Variants in NBEAL2 observed in about 807,000 individuals in gnomAD.
NBEAL2 encodes the protein neurobeachin like 2, also known as neurobeachin-like protein 2.
NBEAL2 carries 160 observed loss-of-function variants against 299.8 expected under a neutral mutation model. That is an observed-to-expected ratio of 0.53 (90% CI 0.47 to 0.61). The LOEUF is 0.61. Ranked by LOEUF, NBEAL2 falls within the 20% of genes least tolerant of loss-of-function variation. The probability of loss-of-function intolerance (pLI) is 0.00; values close to 1 mark genes in which losing one functional copy is unlikely to be tolerated. For synonymous variants in NBEAL2, 1,493 were observed against 1,542.3 expected, an observed-to-expected ratio of 0.97 and a Z score of 0.75; for missense variants, 3,112 against 3,649.0, an observed-to-expected ratio of 0.85 and a Z score of 3.79.
At chr3:47,007,193 C>T in intron 46 of NBEAL2, 38 bp downstream of exon 46, 2 of 1,610,370 alleles carry the variant, frequency 1.2e-6, no homozygotes, top group Non-Finnish European at 1.7e-6. Context: ...CAGCTCCACT[C>T]CCCCTTGCCT....
At position 46,995,470 on chromosome 3, in the gene NBEAL2, C is replaced by A. The variant is rs369938444; in HGVS notation, c.1735C>A (p.Arg579Ser). ...ARHQGPARAL[R>S]YFDLTPSMAG... ...GCACCAGGGTCCTGCACGTGCTCTGCGCTACTTTGACCTCACGCCCAGCAT... is the reference window on the plus strand; with the variant it reads ...GCACCAGGGTCCTGCACGTGCTCTGAGCTACTTTGACCTCACGCCCAGCAT... The change falls in exon 13 of 54, where the codon CGC becomes AGC. Residue 579 changes from arginine to serine, a missense_variant. Arg to Ser is a moderately radical substitution (Grantham distance 110). Around this residue, in one of 3 missense-constraint regions of NBEAL2, gnomAD observed 2,243 missense variants for 2,538.1 expected, o/e 0.88. Coordinates refer to ENST00000450053, the MANE Select transcript of NBEAL2 (RefSeq NM_015175.3). 9 of 1,612,892 alleles carry A rather than the reference C, an allele frequency of 5.6e-6. No homozygotes were observed. The highest frequency in any genetic ancestry group is 1.3e-5 in the African/African-American group (1 of 75,072).
chr3:47,003,890 T>A lies in NBEAL2; in HGVS notation c.5795T>A (p.Val1932Glu), dbSNP rs1221990598. ...GCCGAGTGCCAGCTGGTGACGGTAG[T>A]GGCCGTGGTCCCAGGGCTGCTGGAG... is the stretch of plus-strand genomic sequence containing the variant. Reference protein sequence around the residue: ...LSAECQLVTVVAVVPGLLEVT... With the variant: ...LSAECQLVTVEAVVPGLLEVT... The change falls in exon 36 of 54, where the codon GTG becomes GAG. Residue 1932 changes from valine to glutamate, a missense_variant. Around this residue, in one of 3 missense-constraint regions of NBEAL2, gnomAD observed 521 missense variants for 729.6 expected, o/e 0.71. Coordinates refer to ENST00000450053, the MANE Select transcript of NBEAL2 (RefSeq NM_015175.3). This position sits in a 1 kb window ranked among gnomAD's most constrained non-coding sequence, Gnocchi z 7.0. 1 of 1,613,508 alleles carries A rather than the reference T, an allele frequency of 6.2e-7. No individual in the cohort carries two copies. The highest frequency in any genetic ancestry group is 8.5e-7 in the Non-Finnish European group (1 of 1,179,716).
Position 46,992,395 on chromosome 3 carries a change from C to T in NBEAL2, c.1033-80C>T, listed in dbSNP as rs1342538203. The T allele has an allele frequency of 5.2e-6, 7 of 1,344,298 alleles. No individual in the cohort carries two copies. In the East Asian group the frequency reaches 1.2e-4, roughly 24 times the overall value. 83.3% of individuals were successfully genotyped at this position (1,344,298 alleles called of 1,614,324 possible). ...AGGGCACCTGGCAGCTGCCCCTGGT[C>T]CTGCTCTAACCCCACCCTCTCCCAT... On this transcript the variant is annotated intron_variant, in intron 9 of 53. Transcript: ENST00000450053.
rs766856041 is a variant in NBEAL2 at position 46,996,222 on chromosome 3, C to T, written c.2152-49C>T. ...TGTGAGGAACTGGTTGTAGGCGGAGCCCCAGGTTCTGCTGTGACCTGACCG... is the reference window on the plus strand; with the variant it reads ...TGTGAGGAACTGGTTGTAGGCGGAGTCCCAGGTTCTGCTGTGACCTGACCG... On this transcript the variant is annotated intron_variant, in intron 15 of 53. Coordinates refer to ENST00000450053, the MANE Select transcript of NBEAL2 (RefSeq NM_015175.3). 12 of 1,595,260 alleles carry T rather than the reference C, an allele frequency of 7.5e-6. No individual in the cohort carries two copies. In the East Asian group the frequency reaches 2.0e-4, roughly 27 times the overall value.
chr3:47,004,299 T>G lies in NBEAL2; in HGVS notation c.6104T>G (p.Val2035Gly), dbSNP rs2037256784. Reference protein sequence around the residue: ...IPPHTQVRNQVYSWLLRLRPP... With the variant: ...IPPHTQVRNQGYSWLLRLRPP... ...CCCCATACCCAGGTACGGAACCAGGTGTACTCGTGGCTCCTGCGCCTACGG... is the reference window on the plus strand; with the variant it reads ...CCCCATACCCAGGTACGGAACCAGGGGTACTCGTGGCTCCTGCGCCTACGG... The change falls in exon 37 of 54, where the codon GTG becomes GGG. Residue 2035 changes from valine (V) to glycine (G), a missense_variant. Around this residue, in one of 3 missense-constraint regions of NBEAL2, gnomAD observed 521 missense variants for 729.6 expected, o/e 0.71. Coordinates refer to ENST00000450053, the MANE Select transcript of NBEAL2 (RefSeq NM_015175.3). This position sits in a 1 kb window ranked among gnomAD's most constrained non-coding sequence, Gnocchi z 5.0. 6.2e-7 allele frequency: 1 copy of G among 1,612,728 alleles called. No individual in the cohort carries two copies. Among genetic ancestry groups the G allele is most frequent in the Non-Finnish European group, 8.5e-7 (1 of 1,179,476 alleles).
Position 46,988,397 on chromosome 3 carries a change from G to A in NBEAL2, c.52-272G>A, listed in dbSNP as rs2035828916. 6.6e-6 allele frequency among the ~76,000 whole-genome samples: 1 copy of A among 152,114 alleles called. No homozygotes were observed. The highest frequency in any genetic ancestry group is 2.4e-5 in the African/African-American group (1 of 41,410). Reference sequence around the variant, plus strand: ...AGGACTGCAGGCATTAGGGAGGTGGGAGCAGAAACTGGGAGGCTGAGAGAA... The same window carrying A: ...AGGACTGCAGGCATTAGGGAGGTGGAAGCAGAAACTGGGAGGCTGAGAGAA... On this transcript the variant is annotated intron_variant, in intron 1 of 53. Coordinates refer to ENST00000450053, the MANE Select transcript of NBEAL2 (RefSeq NM_015175.3). The surrounding 1 kb of genome is among the most constrained non-coding windows in gnomAD (Gnocchi z 4.4).
At chr3:46,999,511 T>A (rs1480922462) in intron 25 of NBEAL2, 37 bp downstream of exon 25, 1 of 1,582,582 alleles carries the variant, frequency 6.3e-7, no homozygotes, top group Non-Finnish European at 8.6e-7. Context: ...GGGGGTGACA[T>A]GTCAGAAAAA....
chr3:47,001,756 C>G lies in NBEAL2; in HGVS notation c.4712C>G (p.Ala1571Gly). ...GAWPHLANGT[A>G]DLREMAQIGL... Reference sequence around the variant, plus strand: ...TGGCCCCACCTGGCCAACGGCACAGCTGATCTCCGTGAGATGGCGCAGATT... The same window carrying G: ...TGGCCCCACCTGGCCAACGGCACAGGTGATCTCCGTGAGATGGCGCAGATT... Residue 1571 changes from alanine (A) to glycine (G), a missense_variant, in exon 30 of 54, where the codon GCT becomes GGT. Ala to Gly is a moderately conservative substitution (Grantham distance 60). This residue lies in a region of NBEAL2 where 2,243 missense variants were observed against 2,538.1 expected (regional missense o/e 0.88). Coordinates refer to ENST00000450053, the MANE Select transcript of NBEAL2 (RefSeq NM_015175.3). This position sits in a 1 kb window ranked among gnomAD's most constrained non-coding sequence, Gnocchi z 6.1. 1 of 1,613,952 alleles carries G rather than the reference C, an allele frequency of 6.2e-7. No individual in the cohort carries two copies.
intron 11 of NBEAL2, among the ~76,000 whole-genome samples, 168 bp from the exon 12 acceptor site, chr3:46,994,287 C>T (rs956189768): frequency 1.3e-5 from 2 of 152,176 alleles, no homozygotes; most frequent in African/African-American, 4.8e-5. Flanking sequence ...GATGTACTCA[C>T]GTCCCCCCCA....
chr3:46,981,459 T>C (rs1168098650), intron 1 of NBEAL2, among the ~76,000 whole-genome samples: 3 of 151,826 alleles, frequency 2.0e-5, no homozygotes, highest in Non-Finnish European at 2.9e-5. Context: ...AAAATAAAAA[T>C]AAAAAACTGA....
At position 46,988,591 on chromosome 3, in the gene NBEAL2, TG is replaced by T; in HGVS notation, c.52-77del. 1 of 1,153,578 alleles carries T rather than the reference TG, an allele frequency of 8.7e-7. No individual in the cohort carries two copies. The allele number at this position is 1,153,578 out of a possible 1,614,324, so 71.5% of individuals were successfully genotyped here. A position where few individuals can be genotyped will look rare whatever the true frequency, so the allele number is the denominator to read the frequency against. ...TCCACCTCCATTCATTCTTCGCCTC[TG>T]TCTACATCCCCTTGTCCCTGCCCTG... On this transcript the variant is annotated intron_variant, in intron 1 of 53. Transcript: ENST00000450053. The surrounding 1 kb of genome is among the most constrained non-coding windows in gnomAD (Gnocchi z 4.4).
chr3:47,003,683 T>C lies in NBEAL2; in HGVS notation c.5721-133T>C. The C allele has an allele frequency of 8.1e-7, 1 of 1,228,516 alleles. No individual in the cohort carries two copies. The highest frequency in any genetic ancestry group is 1.1e-6 in the Non-Finnish European group (1 of 900,804). 76.1% of individuals were successfully genotyped at this position (1,228,516 alleles called of 1,614,324 possible). A position where few individuals can be genotyped will look rare whatever the true frequency, so the allele number is the denominator to read the frequency against. Reference sequence around the variant, plus strand: ...GCTGGGACCAGTAGGTTCTGGACCCTAGGCAGCCCCTCCCCATCTCTGGGA... The same window carrying C: ...GCTGGGACCAGTAGGTTCTGGACCCCAGGCAGCCCCTCCCCATCTCTGGGA... On this transcript the variant is annotated intron_variant, in intron 35 of 53. Coordinates refer to ENST00000450053, the MANE Select transcript of NBEAL2 (RefSeq NM_015175.3). The surrounding 1 kb of genome is among the most constrained non-coding windows in gnomAD (Gnocchi z 7.0).
rs754766794 is a variant in NBEAL2 at position 46,989,377 on chromosome 3, A to C, written c.469A>C (p.Ser157Arg). 3 of 1,576,444 alleles carry C rather than the reference A, an allele frequency of 1.9e-6. No homozygotes were observed. Among genetic ancestry groups the C allele is most frequent in the Non-Finnish European group, 2.6e-6 (3 of 1,161,114 alleles). Residue 157 changes from serine (S) to arginine (R), a missense_variant, in exon 5 of 54, where the codon AGT becomes CGT. Ser to Arg is a moderately radical substitution (Grantham distance 110). Transcript: ENST00000450053. The surrounding 1 kb of genome is among the most constrained non-coding windows in gnomAD (Gnocchi z 5.5). ...DPYQTWRRQR[S>R]GEVISSKEKS... is the part of the protein sequence containing the mutation. The stretch of plus-strand genomic sequence containing the variant: ...TTACCAAACCTGGCGGCGCCAGCGC[A>C]GTGGGTGAGACCCAGCCCACAGGAA...
In NBEAL2 at chr3:47,005,250, A is replaced by G; in HGVS notation, c.6489A>G (p.Ala2163=). 6.2e-7 allele frequency: 1 copy of G among 1,613,552 alleles called. No homozygotes were observed. Among genetic ancestry groups the G allele is most frequent in the South Asian group, 1.1e-5 (1 of 91,088 alleles). The change falls in exon 40 of 54, where the codon GCA becomes GCG. Residue 2163 remains alanine (A), a synonymous_variant. Transcript: ENST00000450053. The part of the protein sequence containing the change: ...KFHYGTHYSN[A]AGVMHYLIRV... ...ACTATGGCACCCACTACTCCAATGC[A>G]GCAGGCGTGATGCACTACCTCATCC...
intron 43 of NBEAL2, 28 bp from the exon 44 acceptor site, chr3:47,006,137 G>T: frequency 6.2e-7 from 1 of 1,613,486 alleles, no homozygotes. Context: ...CACGCAGGGA[G>T]CCCTGACTGC....
At position 46,997,272 on chromosome 3, in the gene NBEAL2, G is replaced by T; in HGVS notation, c.2663G>T (p.Cys888Phe). ...ETWDVKDVVNCVGGMGALLPL... is the reference protein window; with the variant it reads ...ETWDVKDVVNFVGGMGALLPL... ...TCCTTCCCCCAGGATGTGGTGAACT[G>T]CGTTGGGGGTATGGGTGCCCTGCTG... The change falls in exon 19 of 54, where the codon TGC becomes TTC. Residue 888 changes from cysteine to phenylalanine, a missense_variant. Cys to Phe is a radical substitution (Grantham distance 205). Coordinates refer to ENST00000450053, the MANE Select transcript of NBEAL2 (RefSeq NM_015175.3). 6.2e-7 allele frequency: 1 copy of T among 1,612,814 alleles called. No homozygotes were observed. Among genetic ancestry groups the T allele is most frequent in the Non-Finnish European group, 8.5e-7 (1 of 1,179,830 alleles).
chr3:46,983,969 G>A (rs547387654), intron 1 of NBEAL2, among the ~76,000 whole-genome samples: 2 of 152,048 alleles, frequency 1.3e-5, no homozygotes, highest in African/African-American at 2.4e-5. Flanking sequence ...TCTGTGGAGT[G>A]TACTTTCATT....
Position 47,002,496 on chromosome 3 carries a change from C to T in NBEAL2, c.5277C>T (p.Arg1759=), listed in dbSNP as rs370969690. 218 of 1,612,830 alleles carry T rather than the reference C, an allele frequency of 1.4e-4. No individual in the cohort carries two copies. Among genetic ancestry groups the T allele is most frequent in the Admixed American group, 9.0e-4 (54 of 60,028 alleles). The change falls in exon 32 of 54, where the codon CGC becomes CGT. Residue 1759 remains arginine, a synonymous_variant. Transcript: ENST00000450053. ...MSSGQRRQWE[R]AQSRRAFQEL... Reference sequence around the variant, plus strand: ...GTGGGCAGCGGCGCCAGTGGGAGCGCGCCCAGAGTCGTCGGGCCTTCCAGG... The same window carrying T: ...GTGGGCAGCGGCGCCAGTGGGAGCGTGCCCAGAGTCGTCGGGCCTTCCAGG...
Position 46,988,704 on chromosome 3 carries a change from C to G in NBEAL2, c.87C>G (p.Ala29=), listed in dbSNP as rs1246556294. The change falls in exon 2 of 54, where the codon GCC becomes GCG. Residue 29 remains alanine, a synonymous_variant. Transcript: ENST00000450053. The surrounding 1 kb of genome is among the most constrained non-coding windows in gnomAD (Gnocchi z 4.4). ...DLGYLQQWLK[A]FVGAFKKSIS... Reference sequence around the variant, plus strand: ...GTTACCTGCAGCAGTGGCTGAAGGCCTTTGTAGGTGCCTTCAAGAAGAGCA... The same window carrying G: ...GTTACCTGCAGCAGTGGCTGAAGGCGTTTGTAGGTGCCTTCAAGAAGAGCA... 3 of 1,613,804 alleles carry G rather than the reference C, an allele frequency of 1.9e-6. No individual in the cohort carries two copies. The highest frequency in any genetic ancestry group is 2.5e-6 in the Non-Finnish European group (3 of 1,179,838).
Sources: gnomAD v4.1 joint callset for allele counts (sites outside exome capture counted in the v4.1 genomes callset) on GRCh38, gnomAD v4.1.1 for gene constraint, gnomAD v4.1.1 regional missense constraint, Gnocchi (gnomAD v3.1) non-coding constraint, MANE v1.5 for transcripts, NCBI Gene and HGNC (gene_info 2026-07-23, HGNC 2026-07-21) for gene names.